CTSC: variants seen among roughly 807,000 people sequenced by gnomAD.
CTSC encodes the protein dipeptidyl peptidase 1.
A neutral mutation model predicts 40.9 loss-of-function variants in CTSC; 37 were observed. That is an observed-to-expected ratio of 0.91 (90% CI 0.70 to 1.19). The LOEUF (loss-of-function observed/expected upper bound fraction) is 1.19. Ranked by LOEUF, CTSC falls within the 50% of genes most tolerant of loss-of-function variation. CTSC has a pLI of 0.00. For synonymous variants in CTSC, 232 were observed against 207.4 expected (o/e 1.12, Z -1.02); for missense variants, 594 against 567.3 (o/e 1.05, Z -0.48).
At chr11:88,300,451 C>T in intron 5 of CTSC, 79 bp downstream of exon 5, 2 of 883,948 alleles carry the variant, frequency 2.3e-6, no homozygotes, top group Admixed American at 3.6e-5. Flanking sequence ...CTAGGTATCC[C>T]CGAAATCCAT....
intron 2 of CTSC, chr11:88,327,989 A>G (rs1938237226): frequency 2.7e-6 from 2 of 743,412 alleles, no homozygotes; most frequent in African/African-American, 3.5e-5. Context: ...GAAATTCATA[A>G]GAAAACCATA....
chr11:88,319,544 A>T (rs1937950602), intron 2 of CTSC, among the ~76,000 whole-genome samples: 1 of 152,170 alleles, frequency 6.6e-6, no homozygotes. Context: ...CATGAAAATT[A>T]TCAGTAACAG....
chr11:88,332,802 G>A (rs1400114187), intron 2 of CTSC, among the ~76,000 whole-genome samples: 9 of 152,192 alleles, frequency 5.9e-5, no homozygotes, highest in Non-Finnish European at 8.8e-5. Context: ...TAGGGCAGGA[G>A]TATTTTTTCT....
At chr11:88,337,291 G>C (rs1250517412) in intron 1 of CTSC, among the ~76,000 whole-genome samples, 1 of 152,228 alleles carries the variant, frequency 6.6e-6, no homozygotes, top group Non-Finnish European at 1.5e-5. Context: ...AGATAACCAA[G>C]AAAGTGTGGA....
chr11:88,318,625 G>C (rs1168754610), intron 2 of CTSC, among the ~76,000 whole-genome samples: 2 of 152,174 alleles, frequency 1.3e-5, no homozygotes, highest in Non-Finnish European at 2.9e-5. Context: ...AATACAATTG[G>C]CCAGGCGCAG....
chr11:88,294,564 T>G, intron 6 of CTSC, 56 bp from the exon 7 acceptor site: 1 of 1,592,476 alleles, frequency 6.3e-7, no homozygotes, highest in South Asian at 1.1e-5. Context: ...TTATCCCATT[T>G]TCTATTTTTT....
At chr11:88,297,711 C>A (rs138480514) in intron 5 of CTSC, 1 of 152,348 alleles carries the variant, frequency 6.6e-6, no homozygotes, top group African/African-American at 2.4e-5. Flanking sequence ...AGAAGATAAA[C>A]TTCATCAAGC....
At chr11:88,328,199 A>C in intron 2 of CTSC, 9 of 1,604,706 alleles carry the variant, frequency 5.6e-6, no homozygotes, top group Non-Finnish European at 7.7e-6. Flanking sequence ...GTGACATCCT[A>C]CAAAGAGTTT....
chr11:88,302,990 T>C (rs996166029), intron 4 of CTSC, among the ~76,000 whole-genome samples: 1 of 152,192 alleles, frequency 6.6e-6, no homozygotes, highest in Non-Finnish European at 1.5e-5. Flanking sequence ...TAATTTTATA[T>C]ATAGGGTGAG....
In CTSC at chr11:88,296,089, A is replaced by C. The variant is rs1429024780; in HGVS notation, c.889+44T>G. 4 of 1,609,516 alleles carry C rather than the reference A, an allele frequency of 2.5e-6. No homozygotes were observed. The East Asian group carries it at 6.7e-5, about 27-fold the overall frequency. ...CTTTGCCAACAACAGCCAGCTGCAC[A>C]CAGGTAAATAGCTCATAAATGGTGT... is the stretch of plus-strand genomic sequence containing the variant. On this transcript the variant is annotated intron_variant, in intron 6 of 6. Coordinates refer to ENST00000227266, the MANE Select transcript of CTSC (RefSeq NM_001814.6).
At chr11:88,295,649 A>G (rs953199502) in intron 6 of CTSC, among the ~76,000 whole-genome samples, 1 of 152,142 alleles carries the variant, frequency 6.6e-6, no homozygotes, top group Non-Finnish European at 1.5e-5. Flanking sequence ...CCAAAGTGAT[A>G]GGGTTATAGG....
At chr11:88,308,961 T>C (rs571485310) in intron 4 of CTSC, among the ~76,000 whole-genome samples, 7 of 152,088 alleles carry the variant, frequency 4.6e-5, no homozygotes, top group Non-Finnish European at 1.5e-5. Context: ...ACAACAGACA[T>C]GTGAAAGAAA....
At chr11:88,334,876 C>T in intron 2 of CTSC, 61 bp downstream of exon 2, 1 of 1,252,076 alleles carries the variant, frequency 8.0e-7, no homozygotes, top group Non-Finnish European at 1.2e-6. Context: ...GTCTACTAAT[C>T]AGAAGAGGTT....
intron 2 of CTSC, among the ~76,000 whole-genome samples, chr11:88,328,815 A>C (rs533619306): frequency 6.6e-6 from 1 of 152,160 alleles, no homozygotes; most frequent in South Asian, 2.1e-4. Context: ...TTTAGTATAG[A>C]GGGGTTTCAC....
chr11:88,337,089 T>A (rs1469447055), intron 1 of CTSC, among the ~76,000 whole-genome samples: 1 of 152,154 alleles, frequency 6.6e-6, no homozygotes, highest in Admixed American at 6.5e-5. Context: ...CTTCATGCTA[T>A]ATCCTCGAGA....
chr11:88,331,867 G>A lies in CTSC; in HGVS notation c.318+3070C>T, dbSNP rs530856504. 2.6e-5 allele frequency among the ~76,000 whole-genome samples: 4 copies of A among 152,276 alleles called. No homozygotes were observed. The South Asian group carries it at 6.2e-4, about 24-fold the overall frequency. On this transcript the variant is annotated intron_variant, in intron 2 of 6. Coordinates refer to ENST00000227266, the MANE Select transcript of CTSC (RefSeq NM_001814.6). ...GGCAGATGAAAGGAGGGTAGGAGAAGATCAGAGAGAGAGATTCTGGTTTCT... is the reference window on the plus strand; with the variant it reads ...GGCAGATGAAAGGAGGGTAGGAGAAAATCAGAGAGAGAGATTCTGGTTTCT...
chr11:88,309,378 A>G (rs975928600), intron 3 of CTSC, 60 bp from the exon 4 acceptor site: 5 of 1,415,022 alleles, frequency 3.5e-6, no homozygotes, highest in Non-Finnish European at 3.0e-6. Flanking sequence ...TAGAGTAATT[A>G]AAACAGGCAT....
intron 2 of CTSC, among the ~76,000 whole-genome samples, chr11:88,329,455 CAAAAAAAAAAAAA>C (rs34568364): frequency 7.4e-5 from 5 of 67,872 alleles, no homozygotes; most frequent in Admixed American, 2.1e-4. Flanking sequence ...GACTCCATTT[CAAAAAAAAAAAAA>C]AAAAAAAAAA....
chr11:88,296,115 C>A lies in CTSC; in HGVS notation c.889+18G>T. 2 of 1,613,278 alleles carry A rather than the reference C, an allele frequency of 1.2e-6. No individual in the cohort carries two copies. The highest frequency in any genetic ancestry group is 1.1e-5 in the South Asian group (1 of 91,032). On this transcript the variant is annotated intron_variant, in intron 6 of 6. Transcript: ENST00000227266. ...CAGGTAAATAGCTCATAAATGGTGT[C>A]TGAAATGCAACACTTACCTTGAGCA...
Sources: gnomAD v4.1 joint callset for allele counts (sites outside exome capture counted in the v4.1 genomes callset) on GRCh38, gnomAD v4.1.1 for gene constraint, MANE v1.5 for transcripts, NCBI Gene and HGNC (gene_info 2026-07-23, HGNC 2026-07-21) for gene names.